IPPK: variants seen among roughly 807,000 people sequenced by gnomAD.
IPPK encodes IPK1 homolog.
IPPK carries 22 observed loss-of-function variants against 64.6 expected under a neutral mutation model. The observed-to-expected ratio is 0.34, with a 90% CI of 0.24 to 0.49. The LOEUF (loss-of-function observed/expected upper bound fraction) is 0.49. IPPK is among the 20% of genes least tolerant of loss of function. The pLI, the probability that IPPK is intolerant of heterozygous loss-of-function variation, is 0.99. For synonymous variants in IPPK, 262 were observed against 247.2 expected (o/e 1.06, Z -0.56); for missense variants, 532 against 630.7 (o/e 0.84, Z 1.68).
At position 92,635,365 on chromosome 9, in the gene IPPK, G is replaced by C. The variant is rs778480473; in HGVS notation, c.917-57C>G. 3 of 1,571,726 alleles carry C rather than the reference G, an allele frequency of 1.9e-6. No homozygotes were observed. The highest frequency in any genetic ancestry group is 2.2e-5 in the East Asian group (1 of 44,494). ...TGTTGATTATCAAAGAACGTGGAGG[G>C]AGACACAGGCCGGCGCAGACCGCAG... On this transcript the variant is annotated intron_variant, in intron 9 of 12. Coordinates refer to ENST00000287996, the MANE Select transcript of IPPK (RefSeq NM_022755.6). The surrounding 1 kb of genome is among the most constrained non-coding windows in gnomAD (Gnocchi z 4.4).
rs766605901 is a variant in IPPK, at chr9:92,669,859, C to T, written c.81+49G>A. 5.8e-6 allele frequency: 8 copies of T among 1,390,826 alleles called. No individual in the cohort carries two copies. The South Asian group carries it at 9.4e-5, about 16-fold the overall frequency. The allele number at this position is 1,390,826 out of a possible 1,614,324, so 86.2% of individuals were successfully genotyped here. A position where few individuals can be genotyped will look rare whatever the true frequency, so the allele number is the denominator to read the frequency against. ...ACGGATAATGGGGGCGGGGTGATAC[C>T]GGCCGTCGGAGTGAGGTACCGGACC... On this transcript the variant is annotated intron_variant, in intron 1 of 12. Coordinates refer to ENST00000287996, the MANE Select transcript of IPPK (RefSeq NM_022755.6).
At chr9:92,618,064 G>A (rs1197095817) in intron 12 of IPPK, 2 of 354,968 alleles carry the variant, frequency 5.6e-6, no homozygotes, top group South Asian at 2.1e-5. Flanking sequence ...GCCTTAGTTT[G>A]TCCCTAGGCC....
chr9:92,659,349 C>T (rs955960195), intron 1 of IPPK, among the ~76,000 whole-genome samples: 4 of 152,024 alleles, frequency 2.6e-5, no homozygotes, highest in Non-Finnish European at 5.9e-5. Flanking sequence ...TCTGCAGGTA[C>T]GTTACACTTC....
At position 92,649,548 on chromosome 9, in the gene IPPK, T is replaced by C; in HGVS notation, c.319A>G (p.Thr107Ala). Reference protein sequence around the residue: ...PESRCDKDLDTLSGYAMCLPN... With the variant: ...PESRCDKDLDALSGYAMCLPN... ...AGGCACATAGCGTAACCACTGAGAG[T>C]ATCCAGGTCCTTGTCACAGCGAGAC... The change falls in exon 5 of 13, where the codon ACT (threonine) becomes GCT (alanine). Residue 107 changes from threonine to alanine, a missense_variant. Coordinates refer to ENST00000287996, the MANE Select transcript of IPPK (RefSeq NM_022755.6). 6.2e-7 allele frequency: 1 copy of C among 1,613,652 alleles called. No homozygotes were observed. Among genetic ancestry groups the C allele is most frequent in the Non-Finnish European group, 8.5e-7 (1 of 1,179,874 alleles).
chr9:92,639,127 C>T (rs894748309), intron 8 of IPPK, among the ~76,000 whole-genome samples: 1 of 152,216 alleles, frequency 6.6e-6, no homozygotes, highest in African/African-American at 2.4e-5. Flanking sequence ...AAGCTCACTA[C>T]AGCCTTCAAC....
intron 8 of IPPK, among the ~76,000 whole-genome samples, chr9:92,640,006 C>T (rs886231254): frequency 6.6e-6 from 1 of 152,302 alleles, no homozygotes; most frequent in Non-Finnish European, 1.5e-5. Flanking sequence ...GTCCAGACCA[C>T]GGCACATAGG....
intron 12 of IPPK, chr9:92,616,287 T>C (rs1851431778): frequency 4.2e-6 from 2 of 474,332 alleles, no homozygotes; most frequent in African/African-American, 3.9e-5. Context: ...GACAGCTGTC[T>C]GTGCCGGCTG....
intron 8 of IPPK, among the ~76,000 whole-genome samples, chr9:92,639,051 A>G (rs1851998850): frequency 6.6e-6 from 1 of 152,194 alleles, no homozygotes; most frequent in African/African-American, 2.4e-5. Flanking sequence ...TTTTAAAAAA[A>G]AATTTTAATG....
chr9:92,638,396 G>T, intron 8 of IPPK, 116 bp from the exon 9 acceptor site: 1 of 1,208,762 alleles, frequency 8.3e-7, no homozygotes, highest in Non-Finnish European at 1.2e-6. Context: ...CCCTGATGCT[G>T]TCCACCCAAT....
At chr9:92,664,467 C>T (rs992109941) in intron 1 of IPPK, among the ~76,000 whole-genome samples, 1 of 152,172 alleles carries the variant, frequency 6.6e-6, no homozygotes, top group East Asian at 1.9e-4. Context: ...CCTCAAGCCT[C>T]GGCAACTCCG....
chr9:92,645,941 G>GT (rs1852142433), intron 6 of IPPK, among the ~76,000 whole-genome samples: 1 of 151,660 alleles, frequency 6.6e-6, no homozygotes, highest in African/African-American at 2.4e-5. Flanking sequence ...ATCAGTAAAG[G>GT]TAACTACATA....
intron 5 of IPPK, among the ~76,000 whole-genome samples, chr9:92,648,465 T>C (rs577139247): frequency 6.6e-6 from 1 of 152,274 alleles, no homozygotes; most frequent in South Asian, 2.1e-4. Flanking sequence ...CCTCTAGTAG[T>C]AGAGATGGAC....
At chr9:92,637,485 T>A (rs563895732) in intron 9 of IPPK, among the ~76,000 whole-genome samples, 2 of 152,270 alleles carry the variant, frequency 1.3e-5, no homozygotes, top group South Asian at 4.1e-4. Context: ...TGTCAGGACA[T>A]GTGGCAGCGG....
chr9:92,649,368 G>A (rs541365314), intron 5 of IPPK, 85 bp downstream of exon 5: 1 of 1,531,138 alleles, frequency 6.5e-7, no homozygotes, highest in South Asian at 1.2e-5. Flanking sequence ...GTGGGAACTG[G>A]AACCCAAGGC....
rs1267803760 is a variant in IPPK, at chr9:92,635,298, G to C, written c.927C>G (p.Thr309=). 1 of 1,608,828 alleles carries C rather than the reference G, an allele frequency of 6.2e-7. No homozygotes were observed. Among genetic ancestry groups the C allele is most frequent in the Non-Finnish European group, 8.5e-7 (1 of 1,178,394 alleles). ...CCTTCGGTAACCCCGAGCGCTCTGGGGTGTTTTTTCCTACCGAGAACATCA... is the reference window on the plus strand; with the variant it reads ...CCTTCGGTAACCCCGAGCGCTCTGGCGTGTTTTTTCCTACCGAGAACATCA... ...SRSLRCQGKN[T]PERSGLPKGC... The change falls in exon 10 of 13, where the codon ACC becomes ACG. Residue 309 remains threonine, a synonymous_variant. Transcript: ENST00000287996. This position sits in a 1 kb window ranked among gnomAD's most constrained non-coding sequence, Gnocchi z 4.4.
chr9:92,649,192 A>C (rs779546328), intron 5 of IPPK, among the ~76,000 whole-genome samples: 3 of 152,208 alleles, frequency 2.0e-5, no homozygotes, highest in Non-Finnish European at 4.4e-5. Context: ...GGCTTGTTTT[A>C]GCCCAGGCAT....
chr9:92,647,264 CA>C (rs1852167078), intron 6 of IPPK, among the ~76,000 whole-genome samples: 1 of 152,146 alleles, frequency 6.6e-6, no homozygotes. Context: ...GAGACTGAAT[CA>C]GTAATCAAAA....
intron 3 of IPPK, among the ~76,000 whole-genome samples, chr9:92,655,315 T>G (rs1852350063): frequency 6.6e-6 from 1 of 152,194 alleles, no homozygotes; most frequent in Non-Finnish European, 1.5e-5. Flanking sequence ...TGCACCTACT[T>G]TCCCACTGCG....
chr9:92,656,111 G>T (rs999404566), intron 3 of IPPK, among the ~76,000 whole-genome samples: 1 of 152,188 alleles, frequency 6.6e-6, no homozygotes, highest in Admixed American at 6.5e-5. Flanking sequence ...ACCCTCCCAT[G>T]TAGGGCCTCC....
Sources: allele counts gnomAD v4.1 joint callset (sites outside exome capture counted in the v4.1 genomes callset), GRCh38; gene constraint gnomAD v4.1.1; non-coding constraint Gnocchi (gnomAD v3.1); transcripts MANE v1.5; gene names NCBI Gene and HGNC (gene_info 2026-07-23, HGNC 2026-07-21).